Variants in FAM162A observed in about 807,000 individuals in gnomAD.
FAM162A encodes the protein protein FAM162A.
In FAM162A, 23 loss-of-function variants were observed where a neutral mutation model predicts 21.8. That is an observed-to-expected ratio of 1.05 (90% CI 0.76 to 1.49). FAM162A has a LOEUF of 1.49. FAM162A is among the 40% of genes most tolerant of loss of function. The pLI is 0.00. For synonymous variants in FAM162A, 53 were observed against 61.3 expected, an observed-to-expected ratio of 0.86 and a Z score of 0.64; for missense variants, 165 against 186.4, an observed-to-expected ratio of 0.89 and a Z score of 0.67.
intron 1 of FAM162A, 78 bp downstream of exon 1, chr3:122,384,377 G>T (rs2075563053): frequency 6.7e-7 from 1 of 1,502,048 alleles, no homozygotes; most frequent in Non-Finnish European, 9.0e-7. Flanking sequence ...AAGCCTTCCT[G>T]GGCCCCGGAG....
chr3:122,403,821 G>C (rs2075663075), intron 2 of FAM162A, among the ~76,000 whole-genome samples: 1 of 152,122 alleles, frequency 6.6e-6, no homozygotes, highest in African/African-American at 2.4e-5. Flanking sequence ...GCTCACCATG[G>C]TATTACAGGC....
At chr3:122,384,411 T>C in intron 1 of FAM162A, 112 bp downstream of exon 1, 1 of 1,285,480 alleles carries the variant, frequency 7.8e-7, no homozygotes, top group Non-Finnish European at 1.1e-6. Flanking sequence ...TGACGCACTT[T>C]CTCGGTTCCT....
At chr3:122,387,755 A>G (rs1375631658) in intron 1 of FAM162A, among the ~76,000 whole-genome samples, 1 of 152,162 alleles carries the variant, frequency 6.6e-6, no homozygotes, top group East Asian at 1.9e-4. Context: ...AAATGAATGG[A>G]CTGCCCCACT....
At chr3:122,406,563 G>A (rs371007430) in intron 3 of FAM162A, among the ~76,000 whole-genome samples, 5 of 152,180 alleles carry the variant, frequency 3.3e-5, no homozygotes, top group African/African-American at 1.2e-4. Context: ...TCAGTAGATA[G>A]GTTAGAAGAG....
chr3:122,405,712 C>T (rs1227348111), intron 3 of FAM162A, among the ~76,000 whole-genome samples: 2 of 152,204 alleles, frequency 1.3e-5, no homozygotes, highest in African/African-American at 4.8e-5. Context: ...TGGGCCTGGG[C>T]AGCCATTTGT....
At chr3:122,392,776 T>G (rs542511641) in intron 1 of FAM162A, among the ~76,000 whole-genome samples, 2 of 152,346 alleles carry the variant, frequency 1.3e-5, no homozygotes, top group African/African-American at 4.8e-5. Flanking sequence ...TTGAAGAGTT[T>G]CATAGACTTT....
chr3:122,385,799 C>A (rs1559997900), intron 1 of FAM162A, among the ~76,000 whole-genome samples: 1 of 152,204 alleles, frequency 6.6e-6, no homozygotes, highest in African/African-American at 2.4e-5. Flanking sequence ...TCCATATGAT[C>A]TTCCACGAAT....
rs201624968 is a variant in FAM162A, at chr3:122,402,776, A to C, written c.51A>C (p.Leu17Phe). The C allele has an allele frequency of 1.7e-5, 27 of 1,558,394 alleles. No individual in the cohort carries two copies. The change falls in exon 2 of 5, where the codon TTA becomes TTC. Residue 17 changes from leucine (L) to phenylalanine (F), a missense_variant. Transcript: ENST00000477892. ...LRLAAGSCFR[L>F]CERDVSSSLR... ...CTTTTTTAGGAAGCTGTTTTAGGTTATGTGAAAGAGATGTTTCCTCATCTC... is the reference window on the plus strand; with the variant it reads ...CTTTTTTAGGAAGCTGTTTTAGGTTCTGTGAAAGAGATGTTTCCTCATCTC...
chr3:122,402,634 A>T, intron 1 of FAM162A, 126 bp from the exon 2 acceptor site: 1 of 788,562 alleles, frequency 1.3e-6, no homozygotes, highest in Non-Finnish European at 1.9e-6. Flanking sequence ...TCTTACATAT[A>T]GTAAATTCAT....
chr3:122,386,717 A>G (rs1456116456), intron 1 of FAM162A, among the ~76,000 whole-genome samples: 1 of 152,180 alleles, frequency 6.6e-6, no homozygotes, highest in East Asian at 1.9e-4. Flanking sequence ...AATCTTTGGT[A>G]TACTCCCTTA....
chr3:122,401,249 TTAA>T, intron 1 of FAM162A: 1 of 311,876 alleles, frequency 3.2e-6, no homozygotes, highest in Non-Finnish European at 4.7e-6. Context: ...CAATTTTATG[TTAA>T]TGATGAAAGA....
chr3:122,405,609 T>G (rs1279859732), intron 3 of FAM162A, among the ~76,000 whole-genome samples: 1 of 152,202 alleles, frequency 6.6e-6, no homozygotes, highest in African/African-American at 2.4e-5. Flanking sequence ...GGCTTTGCTA[T>G]AGAACACCTT....
chr3:122,409,670 C>T (rs576608821), intron 4 of FAM162A, 69 bp from the exon 5 acceptor site: 1 of 1,344,980 alleles, frequency 7.4e-7, no homozygotes, highest in South Asian at 1.2e-5. Flanking sequence ...CTGCTGTCAT[C>T]AGTGCAAGGT....
chr3:122,385,186 T>C lies in FAM162A; in HGVS notation c.34+887T>C, dbSNP rs1040779861. On this transcript the variant is annotated intron_variant, in intron 1 of 4. Coordinates refer to ENST00000477892, the MANE Select transcript of FAM162A (RefSeq NM_014367.4). Reference sequence around the variant, plus strand: ...ATATATTGTAATGTAAATGAAGTAATGCAAAAAAAAAGAGTGAATGTTGCA... The same window carrying C: ...ATATATTGTAATGTAAATGAAGTAACGCAAAAAAAAAGAGTGAATGTTGCA... 7.3e-5 allele frequency among the ~76,000 whole-genome samples: 11 copies of C among 151,322 alleles called. No homozygotes were observed. In the South Asian group the frequency reaches 1.7e-3, roughly 23 times the overall value.
At chr3:122,396,931 T>TGAAAGTAAACTA (rs56360813) in intron 1 of FAM162A, among the ~76,000 whole-genome samples, 1 of 151,864 alleles carries the variant, frequency 6.6e-6, no homozygotes, top group Admixed American at 6.6e-5. Flanking sequence ...CCATAGAGAC[T>TGAAAGTAAACTA]GTGACTTTTA....
At position 122,401,325 on chromosome 3, in the gene FAM162A, G is replaced by A. The variant is rs377006002; in HGVS notation, c.35-1435G>A. On this transcript the variant is annotated intron_variant, in intron 1 of 4. Transcript: ENST00000477892. ...TGTGTGCTTTTGTTAAACATATGTC[G>A]ATTTATTTTGCCAACATGATTATAT... The A allele has an allele frequency of 1.1e-5, 10 of 914,242 alleles. No individual in the cohort carries two copies. In the African/African-American group the frequency reaches 1.3e-4, roughly 12 times the overall value. The allele number at this position is 914,242 out of a possible 1,614,324, so 56.6% of individuals were successfully genotyped here.
chr3:122,407,316 G>C lies in FAM162A; in HGVS notation c.299G>C (p.Arg100Pro). ...CTTGATGCTGCAAAGAACAAGATGC[G>C]AGTGAAGATCAGCTATCTAATGATT... ...EMLDAAKNKMRVKISYLMIAL... is the reference protein window; with the variant it reads ...EMLDAAKNKMPVKISYLMIAL... Residue 100 changes from arginine to proline, a missense_variant, in exon 4 of 5, where the codon CGA becomes CCA. Coordinates refer to ENST00000477892, the MANE Select transcript of FAM162A (RefSeq NM_014367.4). The C allele has an allele frequency of 6.2e-7, 1 of 1,614,038 alleles. No homozygotes were observed.
At chr3:122,397,507 G>C (rs1234552817) in intron 1 of FAM162A, among the ~76,000 whole-genome samples, 1 of 152,168 alleles carries the variant, frequency 6.6e-6, no homozygotes, top group Non-Finnish European at 1.5e-5. Context: ...CAAAGCCCTA[G>C]TCAGATTTAT....
At chr3:122,397,977 A>G (rs1039070549) in intron 1 of FAM162A, among the ~76,000 whole-genome samples, 3 of 152,220 alleles carry the variant, frequency 2.0e-5, no homozygotes, top group African/African-American at 4.8e-5. Flanking sequence ...CTTGTCAGAA[A>G]GAAAGCTATC....
Sources: allele counts gnomAD v4.1 joint callset (sites outside exome capture counted in the v4.1 genomes callset), GRCh38; gene constraint gnomAD v4.1.1; transcripts MANE v1.5; gene names NCBI Gene and HGNC (gene_info 2026-07-23, HGNC 2026-07-21).